Variants in CSMD3 observed in about 807,000 individuals in gnomAD.
The protein encoded by CSMD3 is CUB and Sushi multiple domains 3.
CSMD3 carries 177 observed loss-of-function variants against 435.2 expected under a neutral mutation model. The ratio of observed to expected loss-of-function variants is 0.41; its 90% CI spans 0.36 to 0.46. The LOEUF (loss-of-function observed/expected upper bound fraction) is 0.46, where lower values mean the gene tolerates loss of function less well. Among genes scored for constraint, CSMD3 ranks in the 20% least tolerant of loss-of-function variants. The pLI is 0.34. For missense variants in CSMD3, 4,265 were observed against 4,504.6 expected (o/e 0.95, Z 1.52); for synonymous variants, 1,656 against 1,520.5 (o/e 1.09, Z -2.07).
intron 11 of CSMD3, among the ~76,000 whole-genome samples, chr8:112,841,893 C>A (rs553857521): frequency 4.1e-4 from 62 of 151,860 alleles, no homozygotes; most frequent in Middle Eastern, 6.8e-3. Flanking sequence ...GGTTAAAATT[C>A]AAAGCAGATA....
chr8:112,937,323 A>G (rs2083310174), intron 9 of CSMD3, among the ~76,000 whole-genome samples: 1 of 147,344 alleles, frequency 6.8e-6, no homozygotes, highest in South Asian at 2.2e-4. Flanking sequence ...TGCTTTTATT[A>G]CTCTTTGTTT....
intron 3 of CSMD3, among the ~76,000 whole-genome samples, chr8:113,245,445 T>G (rs948228559): frequency 6.6e-6 from 1 of 151,978 alleles, no homozygotes; most frequent in African/African-American, 2.4e-5. Context: ...GCTTATCCTG[T>G]AGATTAAAAC....
At chr8:113,050,033 C>T (rs761040087) in intron 5 of CSMD3, among the ~76,000 whole-genome samples, 1 of 152,006 alleles carries the variant, frequency 6.6e-6, no homozygotes, top group Non-Finnish European at 1.5e-5. Context: ...AATCAGTTCT[C>T]TTTAGCGGAA....
At chr8:112,899,678 C>T (rs1251720642) in intron 10 of CSMD3, among the ~76,000 whole-genome samples, 6 of 143,406 alleles carry the variant, frequency 4.2e-5, no homozygotes, top group Non-Finnish European at 9.1e-5. Flanking sequence ...CACACACACA[C>T]ACACACACAC....
At chr8:112,327,663 C>T (rs1213467610) in intron 45 of CSMD3, among the ~76,000 whole-genome samples, 2 of 151,994 alleles carry the variant, frequency 1.3e-5, no homozygotes, top group Non-Finnish European at 2.9e-5. Context: ...TCTGACATGC[C>T]CCACCAACTT....
intron 5 of CSMD3, among the ~76,000 whole-genome samples, chr8:113,030,556 T>A (rs1417507468): frequency 6.7e-6 from 1 of 149,170 alleles, no homozygotes; most frequent in African/African-American, 2.5e-5. Context: ...TAAAAGTAAA[T>A]CTACGAAACA....
chr8:112,820,191 A>C (rs1314396831), intron 12 of CSMD3, among the ~76,000 whole-genome samples: 1 of 152,148 alleles, frequency 6.6e-6, no homozygotes, highest in East Asian at 1.9e-4. Context: ...AACATTTAGA[A>C]GTCTGACAAA....
At chr8:112,992,256 T>C (rs756360583) in intron 6 of CSMD3, among the ~76,000 whole-genome samples, 7 of 151,788 alleles carry the variant, frequency 4.6e-5, no homozygotes, top group Non-Finnish European at 1.0e-4. Context: ...CCTCCCTCTA[T>C]CTTTTTTTCT....
intron 40 of CSMD3, among the ~76,000 whole-genome samples, chr8:112,350,581 A>G (rs1826048836): frequency 6.6e-6 from 1 of 152,130 alleles, no homozygotes; most frequent in East Asian, 1.9e-4. Flanking sequence ...CTTACTCTTT[A>G]CAGCCCAGTA....
intron 32 of CSMD3, among the ~76,000 whole-genome samples, chr8:112,456,169 A>G (rs1043800568): frequency 5.9e-5 from 9 of 152,196 alleles, no homozygotes; most frequent in Admixed American, 2.6e-4. Flanking sequence ...AAAAATGAGC[A>G]GTAGAGAACT....
At chr8:112,485,657 T>C (rs1820051801) in intron 31 of CSMD3, among the ~76,000 whole-genome samples, 1 of 152,174 alleles carries the variant, frequency 6.6e-6, no homozygotes, top group South Asian at 2.1e-4. Context: ...TATGATTTCA[T>C]TAAAAGTAAG....
At chr8:113,376,663 G>A (rs905097168) in intron 1 of CSMD3, 6 of 1,539,392 alleles carry the variant, frequency 3.9e-6, no homozygotes, top group African/African-American at 2.7e-5. Flanking sequence ...GGCAGGAGGC[G>A]CCATCATGGG....
At chr8:112,416,686 T>C (rs1811946537) in intron 32 of CSMD3, among the ~76,000 whole-genome samples, 1 of 152,038 alleles carries the variant, frequency 6.6e-6, no homozygotes. Context: ...ATGATCAGGA[T>C]TGGAGTTATT....
At chr8:112,464,570 C>T (rs1817771004) in intron 32 of CSMD3, among the ~76,000 whole-genome samples, 1 of 151,906 alleles carries the variant, frequency 6.6e-6, no homozygotes, top group South Asian at 2.1e-4. Context: ...GAAATGAAAA[C>T]AACAATAAAC....
intron 38 of CSMD3, among the ~76,000 whole-genome samples, chr8:112,371,782 GGAGGCT>G (rs1429114170): frequency 2.6e-5 from 4 of 152,100 alleles, no homozygotes; most frequent in Admixed American, 2.6e-4. Flanking sequence ...CAGCTACTCA[GGAGGCT>G]GAGGCAGGAG....
At chr8:112,692,455 T>C (rs2076158156) in intron 13 of CSMD3, among the ~76,000 whole-genome samples, 1 of 152,166 alleles carries the variant, frequency 6.6e-6, no homozygotes, top group Non-Finnish European at 1.5e-5. Context: ...TATATGTATA[T>C]CGAGGTCTTG....
At chr8:113,170,113 AG>A (rs1219483946) in intron 4 of CSMD3, among the ~76,000 whole-genome samples, 1 of 152,176 alleles carries the variant, frequency 6.6e-6, no homozygotes, top group Non-Finnish European at 1.5e-5. Flanking sequence ...CGTAAACTCC[AG>A]GGAAAGCAAT....
chr8:113,085,277 G>T (rs1604846), intron 5 of CSMD3, among the ~76,000 whole-genome samples: 71,799 of 151,406 alleles, frequency 0.47, 19,477 homozygotes, highest in East Asian at 0.88. Context: ...AGTTAAAAGG[G>T]GGGCAAAGAT....
At chr8:112,999,497 A>T (rs2085782691) in intron 6 of CSMD3, among the ~76,000 whole-genome samples, 1 of 151,904 alleles carries the variant, frequency 6.6e-6, no homozygotes, top group Non-Finnish European at 1.5e-5. Context: ...AGTAAATGCA[A>T]CAAGCTTTTT....
Sources: gnomAD v4.1 joint callset for allele counts (sites outside exome capture counted in the v4.1 genomes callset) on GRCh38, gnomAD v4.1.1 for gene constraint, MANE v1.5 for transcripts, NCBI Gene and HGNC (gene_info 2026-07-23, HGNC 2026-07-21) for gene names.